The following C1orf146 variants were observed in gnomAD, a reference collection of about 807,000 sequenced individuals.
The protein encoded by C1orf146 is chromosome 1 open reading frame 146.
In C1orf146, 22 loss-of-function variants were observed where a neutral mutation model predicts 23.0. The ratio of observed to expected loss-of-function variants is 0.96; its 90% CI spans 0.68 to 1.36. C1orf146 has a LOEUF of 1.36. C1orf146 is among the 40% of genes most tolerant of loss of function. C1orf146 has a pLI of 0.00. For synonymous variants in C1orf146, 59 were observed against 65.3 expected, an observed-to-expected ratio of 0.90 and a Z score of 0.47; for missense variants, 199 against 206.8, an observed-to-expected ratio of 0.96 and a Z score of 0.23.
At chr1:92,222,713 A>G (rs1651861788) in intron 1 of C1orf146, among the ~76,000 whole-genome samples, 1 of 150,396 alleles carries the variant, frequency 6.6e-6, no homozygotes, top group South Asian at 2.1e-4. Flanking sequence ...CAGCCTCCCG[A>G]GTAGCTGGGA....
At chr1:92,240,955 A>G (rs1366583088) in intron 2 of C1orf146, 1 of 462,206 alleles carries the variant, frequency 2.2e-6, no homozygotes, top group Non-Finnish European at 4.5e-6. Context: ...TAAAACCAAG[A>G]GTCCTATAGC....
intron 2 of C1orf146, among the ~76,000 whole-genome samples, chr1:92,238,183 C>A (rs374742698): frequency 6.6e-6 from 1 of 152,180 alleles, no homozygotes; most frequent in Non-Finnish European, 1.5e-5. Context: ...ACAACCTGCA[C>A]GATGGCTTCC....
At chr1:92,234,050 C>A (rs1652207289) in intron 2 of C1orf146, among the ~76,000 whole-genome samples, 1 of 152,234 alleles carries the variant, frequency 6.6e-6, no homozygotes, top group Non-Finnish European at 1.5e-5. Context: ...ATCATGTCAT[C>A]TGCAAACAGG....
intron 2 of C1orf146, among the ~76,000 whole-genome samples, chr1:92,237,157 G>A (rs574740991): frequency 1.3e-5 from 2 of 152,314 alleles, no homozygotes; most frequent in South Asian, 4.1e-4. Context: ...GAGGAACTGT[G>A]ATCCTTTGGA....
chr1:92,222,701 T>C (rs917073185), intron 1 of C1orf146, among the ~76,000 whole-genome samples: 9 of 151,224 alleles, frequency 6.0e-5, no homozygotes, highest in South Asian at 2.1e-4. Flanking sequence ...ATTCTCCTGC[T>C]TCAGCCTCCC....
At chr1:92,218,836 C>A (rs1651749568) in intron 1 of C1orf146, among the ~76,000 whole-genome samples, 1 of 152,138 alleles carries the variant, frequency 6.6e-6, no homozygotes, top group African/African-American at 2.4e-5. Flanking sequence ...CCCAAAGCCA[C>A]ACAGTCCTTG....
intron 2 of C1orf146, among the ~76,000 whole-genome samples, chr1:92,232,590 AG>A (rs1464941405): frequency 6.6e-6 from 1 of 152,166 alleles, no homozygotes; most frequent in Non-Finnish European, 1.5e-5. Flanking sequence ...GTGTCTTTAT[AG>A]CAGCATGATT....
intron 1 of C1orf146, among the ~76,000 whole-genome samples, chr1:92,222,592 T>TTTTTTC (rs1651855965): frequency 1.4e-5 from 2 of 138,012 alleles, no homozygotes; most frequent in Non-Finnish European, 3.1e-5. Context: ...TTCTTTTTTC[T>TTTTTTC]TTTTTTTTTT....
intron 2 of C1orf146, among the ~76,000 whole-genome samples, chr1:92,231,766 A>G (rs548636582): frequency 6.6e-6 from 1 of 152,218 alleles, no homozygotes; most frequent in East Asian, 1.9e-4. Flanking sequence ...GAATTCCGGA[A>G]ACAGTAAAGA....
chr1:92,235,383 G>T (rs1415129719), intron 2 of C1orf146, among the ~76,000 whole-genome samples: 5 of 152,166 alleles, frequency 3.3e-5, no homozygotes, highest in African/African-American at 1.2e-4. Flanking sequence ...TAGTCATTCA[G>T]GAGCAGGTTG....
At chr1:92,229,385 G>A (rs982923956) in intron 1 of C1orf146, 32 of 540,062 alleles carry the variant, frequency 5.9e-5, no homozygotes, top group African/African-American at 1.7e-4. Context: ...GGAACCGTTC[G>A]TTGCCGATGG....
intron 1 of C1orf146, among the ~76,000 whole-genome samples, chr1:92,226,631 C>G (rs1246628462): frequency 6.6e-6 from 1 of 152,110 alleles, no homozygotes; most frequent in Non-Finnish European, 1.5e-5. Flanking sequence ...ATATGTTTTC[C>G]CATCCTTTTA....
chr1:92,221,999 T>C (rs1419800355), intron 1 of C1orf146, among the ~76,000 whole-genome samples: 1 of 152,150 alleles, frequency 6.6e-6, no homozygotes, highest in Non-Finnish European at 1.5e-5. Flanking sequence ...CCCAGCACTT[T>C]GGGAGTCTAA....
rs557131779 is a variant in C1orf146, at chr1:92,224,243, G to C, written c.-40+6195G>C. Among the ~76,000 whole-genome samples, 12 of 151,212 alleles carry C rather than the reference G, an allele frequency of 7.9e-5. No homozygotes were observed. The South Asian group carries it at 2.5e-3, about 32-fold the overall frequency. ...TTTTTTGTATTTTTAGTGGAGACAGGTTGTCACTGTTAGCCAGGATGGTCT... is the reference window on the plus strand; with the variant it reads ...TTTTTTGTATTTTTAGTGGAGACAGCTTGTCACTGTTAGCCAGGATGGTCT... On this transcript the variant is annotated intron_variant, in intron 1 of 5. Transcript: ENST00000370375.
Position 92,244,394 on chromosome 1 carries a change from G to A in C1orf146, c.329+9G>A. The A allele has an allele frequency of 1.3e-6, 2 of 1,568,942 alleles. No homozygotes were observed. The highest frequency in any genetic ancestry group is 1.7e-6 in the Non-Finnish European group (2 of 1,162,000). On this transcript the variant is annotated intron_variant, in intron 4 of 5. Transcript: ENST00000370375. ...TTCAGGATTCAGCAGAGGTATGGAA[G>A]AATAGCATTATAGACTTATTTTTCT...
At chr1:92,237,085 T>TAACGAGTTGAGAGAA (rs1652298058) in intron 2 of C1orf146, among the ~76,000 whole-genome samples, 1 of 152,192 alleles carries the variant, frequency 6.6e-6, no homozygotes, top group Admixed American at 6.5e-5. Context: ...TTTGATTGTC[T>TAACGAGTTGAGAGAA]GAAGCCTTCT....
At chr1:92,232,216 G>C (rs558376825) in intron 2 of C1orf146, among the ~76,000 whole-genome samples, 43 of 151,498 alleles carry the variant, frequency 2.8e-4, no homozygotes, top group Non-Finnish European at 5.7e-4. Flanking sequence ...CCACTAACTC[G>C]TCATCTAGCA....
chr1:92,242,277 A>C lies in C1orf146; in HGVS notation c.132A>C (p.Glu44Asp). 6.3e-7 allele frequency: 1 copy of C among 1,599,486 alleles called. No homozygotes were observed. Among genetic ancestry groups the C allele is most frequent in the South Asian group, 1.1e-5 (1 of 88,828 alleles). Residue 44 changes from glutamate (E) to aspartate (D), a missense_variant, in exon 3 of 6, where the codon GAA becomes GAC. Glu to Asp is a conservative substitution (Grantham distance 45, BLOSUM62 2). Coordinates refer to ENST00000370375, the MANE Select transcript of C1orf146 (RefSeq NM_001012425.2). ...AAGTTCGATATTCAGATTCAGTGGA[A>C]AATGGATCAATTATATTTTCTCTTT... ...SHKVRYSDSVENGSIIFSLSG... is the reference protein window; with the variant it reads ...SHKVRYSDSVDNGSIIFSLSG...
intron 1 of C1orf146, among the ~76,000 whole-genome samples, chr1:92,228,497 A>G (rs1652024328): frequency 6.6e-6 from 1 of 152,166 alleles, no homozygotes. Flanking sequence ...CTTCCTCCAT[A>G]GGGGATTTAC....
Sources: gnomAD v4.1 joint callset for allele counts (sites outside exome capture counted in the v4.1 genomes callset) on GRCh38, gnomAD v4.1.1 for gene constraint, MANE v1.5 for transcripts, NCBI Gene and HGNC (gene_info 2026-07-23, HGNC 2026-07-21) for gene names.